Variants in SHROOM3 observed in about 807,000 individuals in gnomAD.
SHROOM3 encodes the protein protein Shroom3.
In SHROOM3, 47 loss-of-function variants were observed where a neutral mutation model predicts 138.6. The ratio of observed to expected loss-of-function variants is 0.34; its 90% CI spans 0.27 to 0.43. The LOEUF (loss-of-function observed/expected upper bound fraction) is 0.43, where lower values mean the gene tolerates loss of function less well. SHROOM3 is among the 20% of genes least tolerant of loss of function. The pLI, the probability that SHROOM3 is intolerant of heterozygous loss-of-function variation, is 1.00. For synonymous variants in SHROOM3, 1,062 were observed against 1,063.3 expected (o/e 1.00, Z 0.02); for missense variants, 2,491 against 2,596.5 (o/e 0.96, Z 0.88).
intron 1 of SHROOM3, among the ~76,000 whole-genome samples, chr4:76,499,616 G>A (rs2109998463): frequency 6.6e-6 from 1 of 152,358 alleles, no homozygotes; most frequent in African/African-American, 2.4e-5. Flanking sequence ...TTAAGGAAAT[G>A]AGAGTAGACA....
intron 2 of SHROOM3, among the ~76,000 whole-genome samples, chr4:76,705,853 A>C (rs1720032748): frequency 6.6e-6 from 1 of 152,124 alleles, no homozygotes; most frequent in African/African-American, 2.4e-5. Flanking sequence ...AGTTAAAAGG[A>C]TATAGGAGGG....
At chr4:76,447,641 T>A (rs1388238998) in intron 1 of SHROOM3, among the ~76,000 whole-genome samples, 1 of 152,212 alleles carries the variant, frequency 6.6e-6, no homozygotes, top group African/African-American at 2.4e-5. Context: ...TTTTGTTTAT[T>A]TTTTATATTT....
chr4:76,755,274 C>T, intron 7 of SHROOM3, 82 bp downstream of exon 7: 6 of 1,483,542 alleles, frequency 4.0e-6, no homozygotes, highest in African/African-American at 1.4e-5. Flanking sequence ...CTGCTGGCCA[C>T]AGAAGAACCC....
intron 2 of SHROOM3, among the ~76,000 whole-genome samples, chr4:76,646,225 AATATAT>A (rs371944513): frequency 1.0e-5 from 1 of 96,268 alleles, no homozygotes; most frequent in Non-Finnish European, 2.0e-5. Context: ...ATAATAAATA[AATATAT>A]ATATATATAT....
At chr4:76,655,179 C>T (rs756126745) in intron 2 of SHROOM3, among the ~76,000 whole-genome samples, 15 of 152,118 alleles carry the variant, frequency 9.9e-5, no homozygotes, top group Non-Finnish European at 1.9e-4. Context: ...AATAGCTTAT[C>T]CAATATTATA....
At position 76,740,476 on chromosome 4, in the gene SHROOM3, C is replaced by T; in HGVS notation, c.2303C>T (p.Ala768Val). The T allele has an allele frequency of 6.2e-7, 1 of 1,612,010 alleles. No individual in the cohort carries two copies. The highest frequency in any genetic ancestry group is 8.5e-7 in the Non-Finnish European group (1 of 1,178,740). Residue 768 changes from alanine to valine, a missense_variant, in exon 5 of 11, where the codon GCT (alanine) becomes GTT (valine). By Grantham distance (64) the Ala-to-Val change is moderately conservative. Around this residue, in one of 4 missense-constraint regions of SHROOM3, gnomAD observed 1,733 missense variants for 1,661.6 expected, o/e 1.04. Coordinates refer to ENST00000296043, the MANE Select transcript of SHROOM3 (RefSeq NM_020859.4). This position sits in a 1 kb window ranked among gnomAD's most constrained non-coding sequence, Gnocchi z 4.0. ...RRGPGPGSAS[A>V]LQGFQYGKPH... is the part of the protein sequence containing the mutation. The stretch of plus-strand genomic sequence containing the variant: ...GGGCCCGGCCCAGGCAGCGCCTCGG[C>T]TCTTCAGGGCTTTCAGTACGGGAAG...
chr4:76,580,580 C>T (rs984327557), intron 2 of SHROOM3, among the ~76,000 whole-genome samples: 1 of 151,960 alleles, frequency 6.6e-6, no homozygotes, highest in Non-Finnish European at 1.5e-5. Flanking sequence ...GCATGCGCCA[C>T]CACACCTGGC....
At chr4:76,541,625 G>GCACACACACACACA (rs149127524) in intron 1 of SHROOM3, among the ~76,000 whole-genome samples, 1 of 148,556 alleles carries the variant, frequency 6.7e-6, no homozygotes, top group African/African-American at 2.5e-5. Flanking sequence ...ATATGTGGGC[G>GCACACACACACACA]CACACACACA....
chr4:76,655,251 T>A (rs1430218271), intron 2 of SHROOM3, among the ~76,000 whole-genome samples: 6 of 152,186 alleles, frequency 3.9e-5, no homozygotes, highest in Non-Finnish European at 1.5e-5. Flanking sequence ...CAGCTACAAG[T>A]GAAGTCCTGA....
At chr4:76,488,570 C>A (rs892370699) in intron 1 of SHROOM3, among the ~76,000 whole-genome samples, 2 of 152,098 alleles carry the variant, frequency 1.3e-5, no homozygotes, top group Non-Finnish European at 2.9e-5. Context: ...AAGCATTAGC[C>A]CCACCATTTC....
intron 3 of SHROOM3, among the ~76,000 whole-genome samples, chr4:76,718,364 G>T (rs186355262): frequency 6.6e-6 from 1 of 151,020 alleles, no homozygotes; most frequent in East Asian, 2.0e-4. Flanking sequence ...TGGTAGGTAG[G>T]AATTGAGCTG....
intron 1 of SHROOM3, among the ~76,000 whole-genome samples, chr4:76,546,886 G>A (rs1002006577): frequency 6.6e-6 from 1 of 152,146 alleles, no homozygotes; most frequent in East Asian, 1.9e-4. Flanking sequence ...AATCATTCAA[G>A]AATTTAAACA....
At chr4:76,677,360 G>A (rs1284569075) in intron 2 of SHROOM3, among the ~76,000 whole-genome samples, 1 of 152,178 alleles carries the variant, frequency 6.6e-6, no homozygotes, top group Non-Finnish European at 1.5e-5. Context: ...ACTTCTCTGA[G>A]TCTTCATTCT....
chr4:76,470,717 A>G (rs892720522), intron 1 of SHROOM3, among the ~76,000 whole-genome samples: 1 of 152,212 alleles, frequency 6.6e-6, no homozygotes, highest in African/African-American at 2.4e-5. Context: ...TTAACGAATG[A>G]GGCTGAAAAT....
intron 10 of SHROOM3, among the ~76,000 whole-genome samples, chr4:76,775,566 G>A (rs1175007402): frequency 6.6e-6 from 1 of 151,812 alleles, no homozygotes; most frequent in African/African-American, 2.4e-5. Flanking sequence ...GAGGAAAGAA[G>A]TAATTATATG....
chr4:76,556,193 T>C (rs113096284), intron 2 of SHROOM3, among the ~76,000 whole-genome samples: 2,130 of 152,322 alleles, frequency 0.014, 40 homozygotes, highest in African/African-American at 0.049. Flanking sequence ...AGGCAAATTC[T>C]CTCATTGGTT....
chr4:76,439,145 G>A (rs1030454407), intron 1 of SHROOM3, among the ~76,000 whole-genome samples: 1 of 152,092 alleles, frequency 6.6e-6, no homozygotes, highest in Non-Finnish European at 1.5e-5. Context: ...TTCTTGCCCT[G>A]TCTAGCTTCT....
At chr4:76,499,127 G>A (rs904519017) in intron 1 of SHROOM3, among the ~76,000 whole-genome samples, 1 of 152,176 alleles carries the variant, frequency 6.6e-6, no homozygotes, top group Non-Finnish European at 1.5e-5. Flanking sequence ...AAAACTCGGA[G>A]GTACCTGTTC....
Position 76,754,871 on chromosome 4 carries a change from T to A in SHROOM3, c.4388T>A (p.Leu1463His). 2 of 1,614,138 alleles carry A rather than the reference T, an allele frequency of 1.2e-6. No homozygotes were observed. The highest frequency in any genetic ancestry group is 1.7e-6 in the Non-Finnish European group (2 of 1,180,016). The part of the protein sequence containing the change: ...NLKHYQKQQS[L>H]PSLCSTSDPD... ...AAGCACTATCAAAAACAGCAGAGTC[T>A]TCCAAGTTTATGCAGCACTTCTGAC... The change falls in exon 7 of 11, where the codon CTT (leucine) becomes CAT (histidine). Residue 1463 changes from leucine to histidine, a missense_variant. Around this residue, in one of 4 missense-constraint regions of SHROOM3, gnomAD observed 1,733 missense variants for 1,661.6 expected, o/e 1.04. Coordinates refer to ENST00000296043, the MANE Select transcript of SHROOM3 (RefSeq NM_020859.4).
Sources: gnomAD v4.1 joint callset for allele counts (sites outside exome capture counted in the v4.1 genomes callset) on GRCh38, gnomAD v4.1.1 for gene constraint, gnomAD v4.1.1 regional missense constraint, Gnocchi (gnomAD v3.1) non-coding constraint, MANE v1.5 for transcripts, NCBI Gene and HGNC (gene_info 2026-07-23, HGNC 2026-07-21) for gene names.